The following MAP4 variants were observed in gnomAD, a reference collection of about 807,000 sequenced individuals.
MAP4 encodes the protein microtubule associated protein 4, also known as microtubule-associated protein 4.
In MAP4, 76 loss-of-function variants were observed where a neutral mutation model predicts 170.2. The observed-to-expected ratio is 0.45, with a 90% CI of 0.37 to 0.54. The LOEUF is 0.54. MAP4 is among the 20% of genes least tolerant of loss of function. The pLI, the probability that MAP4 is intolerant of heterozygous loss-of-function variation, is 0.00. For synonymous variants in MAP4, 909 were observed against 994.5 expected, an observed-to-expected ratio of 0.91 and a Z score of 1.62; for missense variants, 2,506 against 2,748.0, an observed-to-expected ratio of 0.91 and a Z score of 1.97.
intron 16 of MAP4, 78 bp from the exon 17 acceptor site, chr3:47,867,416 C>T (rs2082388488): frequency 1.2e-6 from 1 of 862,938 alleles, no homozygotes; most frequent in Non-Finnish European, 2.0e-6. Flanking sequence ...GCAGTGAGTC[C>T]ACACGTGATC....
intron 17 of MAP4, among the ~76,000 whole-genome samples, chr3:47,863,440 C>G (rs920660664): frequency 7.9e-5 from 12 of 152,250 alleles, no homozygotes; most frequent in African/African-American, 2.6e-4. Flanking sequence ...GCTCCAGCCT[C>G]AGGGAACCAT....
intron 3 of MAP4, among the ~76,000 whole-genome samples, chr3:47,948,003 CTTT>C (rs1222392940): frequency 6.9e-6 from 1 of 144,022 alleles, no homozygotes; most frequent in Non-Finnish European, 1.5e-5. Flanking sequence ...CCTATTCTTT[CTTT>C]TTTTTTTTGT....
intron 10 of MAP4, among the ~76,000 whole-genome samples, chr3:47,901,170 C>T (rs1333485567): frequency 2.6e-5 from 4 of 152,150 alleles, no homozygotes; most frequent in African/African-American, 9.7e-5. Flanking sequence ...AAACTTAGTC[C>T]CTTTCTGCTC....
At position 48,060,659 on chromosome 3, in the gene MAP4, A is replaced by T. The variant is rs146051982; in HGVS notation, c.-20+28114T>A. Among the ~76,000 whole-genome samples, 90 of 152,122 alleles carry T rather than the reference A, an allele frequency of 5.9e-4. 1 individual carries two copies. In the East Asian group the frequency reaches 0.017, roughly 28 times the overall value. ...CCAGGCGCAGTGGCTCACGCCTATA[A>T]TCCCAGCACTTTGGGAGGCCGAGGG... On this transcript the variant is annotated intron_variant, in intron 1 of 18. Transcript: ENST00000360240.
At chr3:47,927,408 T>A (rs2100046666) in intron 4 of MAP4, among the ~76,000 whole-genome samples, 1 of 152,184 alleles carries the variant, frequency 6.6e-6, no homozygotes, top group Admixed American at 6.5e-5. Flanking sequence ...TAAGGCTCTT[T>A]TGGAACTCAT....
At chr3:47,935,702 T>G (rs1433233192) in intron 3 of MAP4, among the ~76,000 whole-genome samples, 4 of 151,936 alleles carry the variant, frequency 2.6e-5, no homozygotes. Flanking sequence ...TTTGAGAGGC[T>G]GAGACGGGTG....
intron 1 of MAP4, among the ~76,000 whole-genome samples, chr3:48,074,043 G>T (rs2100142375): frequency 6.6e-6 from 1 of 152,030 alleles, no homozygotes; most frequent in African/African-American, 2.4e-5. Context: ...CAATAGCAAA[G>T]ACTTGGAACC....
chr3:48,070,487 T>A (rs374070795), intron 1 of MAP4, among the ~76,000 whole-genome samples: 17 of 151,484 alleles, frequency 1.1e-4, no homozygotes, highest in South Asian at 4.2e-4. Context: ...GAGTTTTTTT[T>A]AATTTTTTAC....
chr3:47,934,126 T>C (rs1305085536), intron 3 of MAP4, among the ~76,000 whole-genome samples: 1 of 152,160 alleles, frequency 6.6e-6, no homozygotes, highest in Non-Finnish European at 1.5e-5. Context: ...ACTCAGGCAC[T>C]GGGTAAAGAG....
chr3:47,890,509 A>C (rs2098365844), intron 10 of MAP4, among the ~76,000 whole-genome samples: 1 of 152,212 alleles, frequency 6.6e-6, no homozygotes, highest in African/African-American at 2.4e-5. Flanking sequence ...CAAAAACAGA[A>C]AACAGAGCTT....
chr3:47,961,075 C>CA (rs1349987502), intron 3 of MAP4: 1 of 153,452 alleles, frequency 6.5e-6, no homozygotes, highest in Admixed American at 6.6e-5. Context: ...AAAAAGCCTC[C>CA]AAAAAACCTC....
intron 9 of MAP4, among the ~76,000 whole-genome samples, chr3:47,908,601 T>C (rs1024241285): frequency 6.6e-5 from 10 of 152,312 alleles, no homozygotes; most frequent in African/African-American, 2.2e-4. Context: ...ACAAGCTACA[T>C]ATAAATTGAA....
At chr3:48,044,542 C>T (rs577098645) in intron 1 of MAP4, among the ~76,000 whole-genome samples, 1 of 151,860 alleles carries the variant, frequency 6.6e-6, no homozygotes, top group South Asian at 2.1e-4. Context: ...GTGGGCAGAT[C>T]ACTTGAGGTC....
intron 1 of MAP4, among the ~76,000 whole-genome samples, chr3:48,061,862 G>T (rs1179811956): frequency 6.7e-6 from 1 of 149,028 alleles, no homozygotes; most frequent in African/African-American, 2.5e-5. Flanking sequence ...CGCCCGGCCA[G>T]CCACCCCGTC....
intron 3 of MAP4, among the ~76,000 whole-genome samples, chr3:47,950,840 G>A (rs2100063241): frequency 6.6e-6 from 1 of 152,178 alleles, no homozygotes; most frequent in Non-Finnish European, 1.5e-5. Context: ...TCACCTGACA[G>A]TTTCGTGTTT....
At chr3:47,885,302 G>A (rs551965083) in intron 10 of MAP4, among the ~76,000 whole-genome samples, 4 of 152,200 alleles carry the variant, frequency 2.6e-5, no homozygotes, top group South Asian at 2.1e-4. Flanking sequence ...GGTCAAGCAA[G>A]GAGGATCACT....
chr3:47,920,597 G>A (rs1187145946), intron 5 of MAP4, among the ~76,000 whole-genome samples: 1 of 147,378 alleles, frequency 6.8e-6, no homozygotes, highest in Non-Finnish European at 1.5e-5. Context: ...TGTTGTCCAG[G>A]CTGGAGTACA....
At chr3:47,937,770 T>C (rs1172957338) in intron 3 of MAP4, among the ~76,000 whole-genome samples, 1 of 148,128 alleles carries the variant, frequency 6.8e-6, no homozygotes, top group African/African-American at 2.5e-5. Flanking sequence ...CAAGCGATTC[T>C]CCTGCCTCAG....
chr3:47,973,700 C>T, intron 3 of MAP4: 3 of 985,378 alleles, frequency 3.0e-6, no homozygotes, highest in Non-Finnish European at 3.6e-6. Context: ...ATAACTTAGA[C>T]AGCTACAGGG....
Sources: gnomAD v4.1 joint callset for allele counts (sites outside exome capture counted in the v4.1 genomes callset) on GRCh38, gnomAD v4.1.1 for gene constraint, MANE v1.5 for transcripts, NCBI Gene and HGNC (gene_info 2026-07-23, HGNC 2026-07-21) for gene names.